The following CD2AP variants were observed in gnomAD, a reference collection of about 807,000 sequenced individuals.
CD2AP encodes the protein CD2 associated protein.
Under a neutral mutation model 85.1 loss-of-function variants are expected in CD2AP, and 46 were observed. That is an observed-to-expected ratio of 0.54 (90% CI 0.43 to 0.69). CD2AP has a LOEUF of 0.69. Ranked by LOEUF, CD2AP falls within the 30% of genes least tolerant of loss-of-function variation. CD2AP has a pLI of 0.00. For missense variants in CD2AP, 769 were observed against 729.5 expected (o/e 1.05, Z -0.62); for synonymous variants, 255 against 252.9 (o/e 1.01, Z -0.08).
chr6:47,574,053 T>C lies in CD2AP; in HGVS notation c.542-11T>C, dbSNP rs1768231418. 6.2e-7 allele frequency: 1 copy of C among 1,612,342 alleles called. No individual in the cohort carries two copies. The highest frequency in any genetic ancestry group is 8.5e-7 in the Non-Finnish European group (1 of 1,178,404). On this transcript the variant is annotated splice_polypyrimidine_tract_variant and intron_variant, in intron 5 of 17. Coordinates refer to ENST00000359314, the MANE Select transcript of CD2AP (RefSeq NM_012120.3). The stretch of plus-strand genomic sequence containing the variant: ...TAGGTGTCATTCTTCAAAAACAAAT[T>C]ATTGTTTCAGAAACTGTTTTGGCTG...
chr6:47,612,662 T>A (rs1769478596), intron 17 of CD2AP, 126 bp downstream of exon 17: 3 of 700,932 alleles, frequency 4.3e-6, no homozygotes, highest in Non-Finnish European at 7.9e-6. Flanking sequence ...ATACACACAA[T>A]GGACTACTAT....
intron 2 of CD2AP, among the ~76,000 whole-genome samples, chr6:47,521,780 C>G (rs1271333652): frequency 6.6e-6 from 1 of 151,980 alleles, no homozygotes; most frequent in Non-Finnish European, 1.5e-5. Context: ...CTTTGGGAGG[C>G]TGAGGCGGGC....
chr6:47,527,988 T>G (rs1352030), intron 2 of CD2AP, among the ~76,000 whole-genome samples: 93,055 of 151,998 alleles, frequency 0.61, 29,221 homozygotes, highest in Middle Eastern at 0.74. Flanking sequence ...TAGCATGTAT[T>G]TTTAATAGAA....
chr6:47,533,980 T>C (rs1766961945), intron 3 of CD2AP, among the ~76,000 whole-genome samples: 1 of 152,236 alleles, frequency 6.6e-6, no homozygotes, highest in Admixed American at 6.5e-5. Flanking sequence ...TGAGGCTCTG[T>C]TTTCTTATTT....
At chr6:47,615,109 A>G (rs989289376) in intron 17 of CD2AP, among the ~76,000 whole-genome samples, 2 of 152,000 alleles carry the variant, frequency 1.3e-5, no homozygotes, top group Admixed American at 6.6e-5. Flanking sequence ...TACTTACCCT[A>G]TTTCTTTTGT....
At chr6:47,569,437 G>A (rs529434973) in intron 5 of CD2AP, among the ~76,000 whole-genome samples, 3 of 151,818 alleles carry the variant, frequency 2.0e-5, no homozygotes, top group East Asian at 1.9e-4. Flanking sequence ...GTAATGTTAC[G>A]AATAAGTTGC....
At chr6:47,516,400 A>G (rs1383952788) in intron 2 of CD2AP, among the ~76,000 whole-genome samples, 2 of 152,242 alleles carry the variant, frequency 1.3e-5, no homozygotes, top group African/African-American at 4.8e-5. Context: ...TTTTCATTTC[A>G]TTGGCCCATA....
At chr6:47,533,513 C>T (rs1766944533) in intron 2 of CD2AP, 89 bp from the exon 3 acceptor site, 1 of 1,193,148 alleles carries the variant, frequency 8.4e-7, no homozygotes, top group Non-Finnish European at 1.2e-6. Flanking sequence ...ATAGTAATTA[C>T]TGTAGCTATT....
chr6:47,510,918 C>G (rs1280765778), intron 2 of CD2AP, among the ~76,000 whole-genome samples: 3 of 151,520 alleles, frequency 2.0e-5, no homozygotes, highest in Non-Finnish European at 4.4e-5. Context: ...ACTAAAAATA[C>G]AAAAATTAGC....
chr6:47,582,245 C>T, intron 11 of CD2AP, 180 bp downstream of exon 11: 2 of 550,966 alleles, frequency 3.6e-6, no homozygotes, highest in South Asian at 4.4e-5. Flanking sequence ...TAACAATTTA[C>T]ATTCATTAAA....
intron 2 of CD2AP, among the ~76,000 whole-genome samples, chr6:47,520,210 C>G (rs1204909622): frequency 6.6e-6 from 1 of 152,058 alleles, no homozygotes; most frequent in African/African-American, 2.4e-5. Flanking sequence ...GCAGACATCT[C>G]TGGGGCCTCG....
At chr6:47,544,241 G>A (rs914790865) in intron 3 of CD2AP, among the ~76,000 whole-genome samples, 7 of 152,180 alleles carry the variant, frequency 4.6e-5, no homozygotes, top group African/African-American at 1.7e-4. Context: ...GACTTGATTA[G>A]GAAGTAGTCT....
At chr6:47,515,692 T>A (rs1188007955) in intron 2 of CD2AP, among the ~76,000 whole-genome samples, 1 of 152,168 alleles carries the variant, frequency 6.6e-6, no homozygotes, top group Non-Finnish European at 1.5e-5. Flanking sequence ...GCAAGTGATA[T>A]AAATCCTAGT....
At chr6:47,581,198 G>C (rs569088520) in intron 10 of CD2AP, among the ~76,000 whole-genome samples, 2 of 152,152 alleles carry the variant, frequency 1.3e-5, no homozygotes, top group African/African-American at 2.4e-5. Flanking sequence ...TGGCCAACTA[G>C]TTATTCTACC....
intron 2 of CD2AP, among the ~76,000 whole-genome samples, chr6:47,521,767 G>C (rs1004442474): frequency 2.0e-5 from 3 of 152,168 alleles, no homozygotes; most frequent in African/African-American, 7.2e-5. Flanking sequence ...TGTAATCCCA[G>C]CACTTTGGGA....
intron 17 of CD2AP, among the ~76,000 whole-genome samples, chr6:47,615,665 C>A (rs1049675269): frequency 6.6e-5 from 10 of 151,976 alleles, no homozygotes; most frequent in African/African-American, 2.4e-4. Flanking sequence ...TCACCTGGCC[C>A]CACCTCCAAC....
intron 11 of CD2AP, among the ~76,000 whole-genome samples, chr6:47,589,648 G>C (rs988667818): frequency 2.0e-5 from 3 of 151,150 alleles, no homozygotes; most frequent in African/African-American, 7.3e-5. Flanking sequence ...GATCAAGATA[G>C]AGGGGAAGAG....
intron 2 of CD2AP, among the ~76,000 whole-genome samples, chr6:47,531,294 C>T (rs1476370799): frequency 6.6e-6 from 1 of 151,774 alleles, no homozygotes; most frequent in Non-Finnish European, 1.5e-5. Flanking sequence ...CTGTTGGATT[C>T]GAGTAACTTA....
chr6:47,618,441 AAGGTTGTTTGGGTAG>A (rs1404678922), intron 17 of CD2AP, among the ~76,000 whole-genome samples: 2 of 152,180 alleles, frequency 1.3e-5, no homozygotes, highest in African/African-American at 4.8e-5. Context: ...TTGAGACTGT[AAGGTTGTTTGGGTAG>A]GATCCATGTT....
Sources: allele counts gnomAD v4.1 joint callset (sites outside exome capture counted in the v4.1 genomes callset), GRCh38; gene constraint gnomAD v4.1.1; transcripts MANE v1.5; gene names NCBI Gene and HGNC (gene_info 2026-07-23, HGNC 2026-07-21).